Variants in CRYBB1 observed in about 807,000 individuals in gnomAD.
CRYBB1 encodes beta-crystallin B1.
Under a neutral mutation model 29.5 loss-of-function variants are expected in CRYBB1, and 16 were observed. The observed-to-expected ratio is 0.54, with a 90% CI of 0.37 to 0.82. The LOEUF (loss-of-function observed/expected upper bound fraction) is 0.82. CRYBB1 is among the 40% of genes least tolerant of loss of function. CRYBB1 has a pLI of 0.00. For missense variants in CRYBB1, 300 were observed against 350.5 expected (o/e 0.86, Z 1.15); for synonymous variants, 127 against 136.7 (o/e 0.93, Z 0.49).
At chr22:26,617,030 T>A (rs1229984480) in intron 1 of CRYBB1, among the ~76,000 whole-genome samples, 1 of 152,236 alleles carries the variant, frequency 6.6e-6, no homozygotes, top group Non-Finnish European at 1.5e-5. Flanking sequence ...AATGAATGAA[T>A]GCATGCTCCC....
chr22:26,614,585 G>T (rs1929282909), intron 2 of CRYBB1, among the ~76,000 whole-genome samples: 6 of 152,212 alleles, frequency 3.9e-5, no homozygotes, highest in Admixed American at 3.9e-4. Context: ...CAGCCAGAAT[G>T]AATGGCCGGC....
At chr22:26,602,761 C>T (rs1230860254) in intron 4 of CRYBB1, among the ~76,000 whole-genome samples, 1 of 152,050 alleles carries the variant, frequency 6.6e-6, no homozygotes, top group Non-Finnish European at 1.5e-5. Flanking sequence ...AACCAATTGC[C>T]CTTTTGTAAA....
chr22:26,610,484 T>G (rs933230405), intron 3 of CRYBB1, among the ~76,000 whole-genome samples: 1 of 151,922 alleles, frequency 6.6e-6, no homozygotes, highest in Non-Finnish European at 1.5e-5. Context: ...ATACTCTGGG[T>G]TTGAGTCACT....
intron 2 of CRYBB1, among the ~76,000 whole-genome samples, chr22:26,613,628 T>C (rs1929249012): frequency 6.6e-6 from 1 of 152,212 alleles, no homozygotes; most frequent in Admixed American, 6.5e-5. Context: ...TTTAATCTCT[T>C]AATCCTGTCA....
At chr22:26,604,929 C>G (rs1233025322) in intron 4 of CRYBB1, among the ~76,000 whole-genome samples, 1 of 152,148 alleles carries the variant, frequency 6.6e-6, no homozygotes, top group African/African-American at 2.4e-5. Flanking sequence ...CCTACAAGAC[C>G]CTGGTCTCCA....
Position 26,599,693 on chromosome 22 carries a change from G to C in CRYBB1, c.576-20C>G. ...ACCCATCTGAGAGAAAAGTGAGAAG[G>C]ACAGAGTGGAGACAGCCTGTCTCGT... is the stretch of plus-strand genomic sequence containing the variant. On this transcript the variant is annotated intron_variant, in intron 5 of 5. Coordinates refer to ENST00000647684, the MANE Select transcript of CRYBB1 (RefSeq NM_001887.4). 6.2e-7 allele frequency: 1 copy of C among 1,609,570 alleles called. No individual in the cohort carries two copies. The highest frequency in any genetic ancestry group is 1.1e-5 in the South Asian group (1 of 90,974).
At chr22:26,609,649 C>T (rs557763607) in intron 3 of CRYBB1, among the ~76,000 whole-genome samples, 10 of 151,906 alleles carry the variant, frequency 6.6e-5, no homozygotes, top group Non-Finnish European at 1.0e-4. Flanking sequence ...GATCAATAGA[C>T]GAATGGGTAG....
At chr22:26,600,378 A>G (rs1602319755) in intron 5 of CRYBB1, among the ~76,000 whole-genome samples, 1 of 151,896 alleles carries the variant, frequency 6.6e-6, no homozygotes, top group Non-Finnish European at 1.5e-5. Context: ...CTCCAGCCTG[A>G]GGGACAGAGC....
In CRYBB1 at chr22:26,616,187, G is replaced by C; in HGVS notation, c.133C>G (p.Pro45Ala). ...PGTTLAPTTV[P>A]ITSAKAAELP... ...TCCGCCGCCTTGGCGCTGGTAATAG[G>C]CACGGTTGTTGGGGCCAGGGTAGTG... The change falls in exon 2 of 6, where the codon CCT (proline) becomes GCT (alanine). Residue 45 changes from proline to alanine, a missense_variant. By Grantham distance (27) the Pro-to-Ala change is conservative. Coordinates refer to ENST00000647684, the MANE Select transcript of CRYBB1 (RefSeq NM_001887.4). 2 of 1,614,192 alleles carry C rather than the reference G, an allele frequency of 1.2e-6. No individual in the cohort carries two copies. Among genetic ancestry groups the C allele is most frequent in the Non-Finnish European group, 1.7e-6 (2 of 1,180,018 alleles).
intron 3 of CRYBB1, among the ~76,000 whole-genome samples, chr22:26,611,601 A>C (rs1929167082): frequency 5.3e-5 from 8 of 150,520 alleles, no homozygotes; most frequent in East Asian, 1.9e-4. Flanking sequence ...CAGCCTCCCG[A>C]GTAGCTGGGA....
intron 4 of CRYBB1, 152 bp downstream of exon 4, chr22:26,607,737 T>G: frequency 7.1e-6 from 7 of 979,922 alleles, no homozygotes; most frequent in Non-Finnish European, 1.1e-5. Flanking sequence ...GATGAATTGA[T>G]GAGCTCAAGA....
Position 26,612,009 on chromosome 22 carries a change from G to C in CRYBB1, c.299+63C>G, listed in dbSNP as rs1284594356. ...CAGAGCAGATGCTGGAGAAATGGCAGCTACTGTTGTGTGGTCATTTTACTG... is the reference window on the plus strand; with the variant it reads ...CAGAGCAGATGCTGGAGAAATGGCACCTACTGTTGTGTGGTCATTTTACTG... On this transcript the variant is annotated intron_variant, in intron 3 of 5. Transcript: ENST00000647684. 5 of 1,199,632 alleles carry C rather than the reference G, an allele frequency of 4.2e-6. No individual in the cohort carries two copies. The East Asian group carries it at 9.3e-5, about 22-fold the overall frequency. 74.3% of individuals were successfully genotyped at this position (1,199,632 alleles called of 1,614,324 possible). A position where few individuals can be genotyped will look rare whatever the true frequency, so the allele number is the denominator to read the frequency against.
intron 1 of CRYBB1, among the ~76,000 whole-genome samples, chr22:26,617,554 C>G (rs1929396507): frequency 6.6e-6 from 1 of 152,076 alleles, no homozygotes; most frequent in Non-Finnish European, 1.5e-5. Context: ...TGGACTCATG[C>G]CTTCCTGGAG....
intron 4 of CRYBB1, among the ~76,000 whole-genome samples, chr22:26,602,743 A>G (rs1928859252): frequency 6.6e-6 from 1 of 152,316 alleles, no homozygotes; most frequent in East Asian, 1.9e-4. Context: ...CTGTGCCATC[A>G]GGAGTTTAAC....
chr22:26,612,717 G>T (rs1052540303), intron 2 of CRYBB1, among the ~76,000 whole-genome samples: 20 of 152,162 alleles, frequency 1.3e-4, no homozygotes, highest in African/African-American at 3.9e-4. Context: ...TCCCTTTCAG[G>T]CCTTTCTTTG....
chr22:26,611,954 A>G (rs1929179848), intron 3 of CRYBB1, 118 bp downstream of exon 3: 1 of 774,240 alleles, frequency 1.3e-6, no homozygotes, highest in Non-Finnish European at 2.3e-6. Context: ...GACATAATGT[A>G]TGTGCCAGGA....
At chr22:26,613,578 C>G (rs554288612) in intron 2 of CRYBB1, among the ~76,000 whole-genome samples, 1 of 152,330 alleles carries the variant, frequency 6.6e-6, no homozygotes, top group South Asian at 2.1e-4. Context: ...TTATCACTTC[C>G]CCAATCAATA....
At chr22:26,614,162 C>G (rs1929269091) in intron 2 of CRYBB1, among the ~76,000 whole-genome samples, 2 of 152,180 alleles carry the variant, frequency 1.3e-5, no homozygotes, top group South Asian at 4.1e-4. Context: ...TCCTGTGATC[C>G]TGTGATCTCT....
chr22:26,603,117 C>T (rs1928872940), intron 4 of CRYBB1, among the ~76,000 whole-genome samples: 1 of 136,252 alleles, frequency 7.3e-6, no homozygotes, highest in Non-Finnish European at 1.5e-5. Flanking sequence ...CAGAGCGAGA[C>T]TCCGTCTCAA....
Sources: allele counts gnomAD v4.1 joint callset (sites outside exome capture counted in the v4.1 genomes callset), GRCh38; gene constraint gnomAD v4.1.1; transcripts MANE v1.5; gene names NCBI Gene and HGNC (gene_info 2026-07-23, HGNC 2026-07-21).